Variants in SEMA3C observed in about 807,000 individuals in gnomAD.
SEMA3C encodes semaphorin-3C.
In SEMA3C, 47 loss-of-function variants were observed where a neutral mutation model predicts 89.4. The ratio of observed to expected loss-of-function variants is 0.53; its 90% CI spans 0.42 to 0.67. The LOEUF (loss-of-function observed/expected upper bound fraction) is 0.67, where lower values mean the gene tolerates loss of function less well. SEMA3C is among the 30% of genes least tolerant of loss of function. The pLI, the probability that SEMA3C is intolerant of heterozygous loss-of-function variation, is 0.00. For synonymous variants in SEMA3C, 310 were observed against 320.2 expected (o/e 0.97, Z 0.34); for missense variants, 839 against 929.1 (o/e 0.90, Z 1.26).
intron 2 of SEMA3C, among the ~76,000 whole-genome samples, chr7:80,872,716 G>A (rs1029857138): frequency 6.8e-6 from 1 of 146,332 alleles, no homozygotes; most frequent in Non-Finnish European, 1.5e-5. Flanking sequence ...CAGGAGAATC[G>A]CTTGAACCCA....
chr7:80,758,071 T>C (rs183660470), intron 15 of SEMA3C, among the ~76,000 whole-genome samples: 190 of 151,466 alleles, frequency 1.3e-3, no homozygotes, highest in Admixed American at 4.2e-3. Context: ...CCTAGGGGAG[T>C]AGGTGTTACA....
intron 7 of SEMA3C, among the ~76,000 whole-genome samples, chr7:80,805,124 T>C (rs1249548565): frequency 6.6e-6 from 1 of 152,108 alleles, no homozygotes; most frequent in African/African-American, 2.4e-5. Flanking sequence ...TCCTATGATT[T>C]CTACTGAATA....
intron 2 of SEMA3C, among the ~76,000 whole-genome samples, chr7:80,829,168 A>G (rs1426277326): frequency 6.6e-6 from 1 of 151,174 alleles, no homozygotes; most frequent in Non-Finnish European, 1.5e-5. Flanking sequence ...CACTGCCTCA[A>G]AAAAAAAAGT....
chr7:80,784,547 C>A (rs1417049067), intron 12 of SEMA3C, among the ~76,000 whole-genome samples: 1 of 151,880 alleles, frequency 6.6e-6, no homozygotes, highest in African/African-American at 2.4e-5. Flanking sequence ...TAGAAAATAG[C>A]TTCTTGAAGA....
chr7:80,868,847 C>T (rs1384107463), intron 2 of SEMA3C, among the ~76,000 whole-genome samples: 1 of 151,968 alleles, frequency 6.6e-6, no homozygotes, highest in Non-Finnish European at 1.5e-5. Flanking sequence ...GGGCAAACAA[C>T]CAAAAACATT....
intron 2 of SEMA3C, among the ~76,000 whole-genome samples, chr7:80,885,340 G>T (rs1791449791): frequency 6.6e-6 from 1 of 152,076 alleles, no homozygotes. Flanking sequence ...TGGATGACTG[G>T]GCTTGGTGGC....
chr7:80,799,692 A>G (rs1008188663), intron 10 of SEMA3C, among the ~76,000 whole-genome samples: 29 of 151,886 alleles, frequency 1.9e-4, no homozygotes, highest in Non-Finnish European at 4.4e-5. Context: ...AAATAAATAA[A>G]TAAATAGAAA....
At chr7:80,876,504 C>T (rs1182583295) in intron 2 of SEMA3C, among the ~76,000 whole-genome samples, 13 of 152,078 alleles carry the variant, frequency 8.5e-5, no homozygotes, top group Admixed American at 7.9e-4. Flanking sequence ...GTGCCTCATT[C>T]GCCCCATCTA....
chr7:80,789,251 A>G (rs889138271), intron 12 of SEMA3C, 55 bp downstream of exon 12: 1 of 1,407,334 alleles, frequency 7.1e-7, no homozygotes, highest in Non-Finnish European at 9.9e-7. Flanking sequence ...TACTACCTAT[A>G]TTTAGTACAT....
chr7:80,748,997 A>T lies in SEMA3C; in HGVS notation c.1743T>A (p.Tyr581Ter), dbSNP rs1037756382. The T allele has an allele frequency of 6.2e-7, 1 of 1,611,052 alleles. No homozygotes were observed. The highest frequency in any genetic ancestry group is 8.5e-7 in the Non-Finnish European group (1 of 1,179,046). The change falls in exon 17 of 18, where the codon TAT becomes TAA. Residue 581 changes from tyrosine (Y) to a stop codon, truncating the protein, a stop_gained. Transcript: ENST00000265361. LOFTEE classifies it high-confidence loss of function. ...AYRNAAEIVQYGVKNNTTFLE... is the reference protein window; with the variant it reads ...AYRNAAEIVQ Reference sequence around the variant, plus strand: ...GAAAAGTGGTGTTATTTTTTACTCCATACTGGACAATTTCAGCTGCATTTC... The same window carrying T: ...GAAAAGTGGTGTTATTTTTTACTCCTTACTGGACAATTTCAGCTGCATTTC...
chr7:80,874,750 G>A (rs1791159416), intron 2 of SEMA3C, among the ~76,000 whole-genome samples: 1 of 152,034 alleles, frequency 6.6e-6, no homozygotes, highest in Non-Finnish European at 1.5e-5. Context: ...TTACAGGCAT[G>A]AGCCAGCGCG....
intron 11 of SEMA3C, among the ~76,000 whole-genome samples, chr7:80,791,077 T>G (rs1393904347): frequency 2.6e-5 from 4 of 151,968 alleles, no homozygotes; most frequent in African/African-American, 9.7e-5. Flanking sequence ...GGGAAAAGTT[T>G]CAGAGCACTG....
At chr7:80,814,341 G>A (rs952805877) in intron 5 of SEMA3C, among the ~76,000 whole-genome samples, 1 of 152,026 alleles carries the variant, frequency 6.6e-6, no homozygotes, top group East Asian at 1.9e-4. Context: ...GCCCGCCTCG[G>A]CCTCCCTAAG....
chr7:80,765,862 G>C (rs1414214631), intron 12 of SEMA3C, among the ~76,000 whole-genome samples: 1 of 152,060 alleles, frequency 6.6e-6, no homozygotes, highest in African/African-American at 2.4e-5. Flanking sequence ...CAGGCGTGGT[G>C]AGCCAATGTA....
intron 17 of SEMA3C, among the ~76,000 whole-genome samples, chr7:80,748,464 C>T (rs1245404294): frequency 6.6e-6 from 1 of 152,128 alleles, no homozygotes; most frequent in Non-Finnish European, 1.5e-5. Flanking sequence ...TACCACACAG[C>T]AGAAAAACGC....
intron 2 of SEMA3C, among the ~76,000 whole-genome samples, chr7:80,867,409 T>A (rs1790953408): frequency 6.6e-6 from 1 of 152,094 alleles, no homozygotes; most frequent in Admixed American, 6.6e-5. Flanking sequence ...CCTAACAAAT[T>A]TCTTTATATT....
intron 2 of SEMA3C, among the ~76,000 whole-genome samples, chr7:80,904,345 T>C (rs1020144741): frequency 2.0e-5 from 3 of 152,196 alleles, no homozygotes; most frequent in African/African-American, 7.2e-5. Context: ...CTGGCCTAAA[T>C]ACCTTTTCAT....
At chr7:80,760,650 C>T (rs1008507286) in intron 14 of SEMA3C, among the ~76,000 whole-genome samples, 15 of 152,140 alleles carry the variant, frequency 9.9e-5, no homozygotes, top group African/African-American at 3.4e-4. Flanking sequence ...ATCATGTAAT[C>T]GGTTGTGCTA....
chr7:80,916,618 A>G (rs1792280608), intron 2 of SEMA3C, 61 bp downstream of exon 2: 1 of 1,468,254 alleles, frequency 6.8e-7, no homozygotes, highest in African/African-American at 1.4e-5. Context: ...CTGAATCTGG[A>G]TAAGGAAGAT....
Sources: gnomAD v4.1 joint callset for allele counts (sites outside exome capture counted in the v4.1 genomes callset) on GRCh38, gnomAD v4.1.1 for gene constraint, MANE v1.5 for transcripts, NCBI Gene and HGNC (gene_info 2026-07-23, HGNC 2026-07-21) for gene names.